The following LIMCH1 variants were observed in gnomAD, a reference collection of about 807,000 sequenced individuals.
The protein encoded by LIMCH1 is LIM and calponin homology domains-containing protein 1.
In LIMCH1, 113 loss-of-function variants were observed where a neutral mutation model predicts 176.5. That is an observed-to-expected ratio of 0.64 (90% CI 0.55 to 0.75). The LOEUF (loss-of-function observed/expected upper bound fraction) is 0.75, where lower values mean the gene tolerates loss of function less well. Among genes scored for constraint, LIMCH1 ranks in the 30% least tolerant of loss-of-function variants. The pLI is 0.00. For synonymous variants in LIMCH1, 619 were observed against 645.9 expected, an observed-to-expected ratio of 0.96 and a Z score of 0.63; for missense variants, 1,674 against 1,814.9, an observed-to-expected ratio of 0.92 and a Z score of 1.41.
intron 1 of LIMCH1, among the ~76,000 whole-genome samples, chr4:41,384,362 G>A (rs1199484838): frequency 2.0e-5 from 3 of 151,824 alleles, no homozygotes; most frequent in African/African-American, 7.3e-5. Flanking sequence ...CTGCCACCAC[G>A]CCGGGCTATT....
intron 3 of LIMCH1, among the ~76,000 whole-genome samples, chr4:41,532,410 A>C (rs1409365097): frequency 6.6e-6 from 1 of 152,218 alleles, no homozygotes; most frequent in Admixed American, 6.5e-5. Flanking sequence ...CAAACACTTC[A>C]GAAACGTATT....
intron 1 of LIMCH1, among the ~76,000 whole-genome samples, chr4:41,419,592 TTCCTTCCTTCCG>T (rs1187680013): frequency 0.069 from 6,197 of 90,026 alleles, 403 homozygotes; most frequent in South Asian, 0.16. Flanking sequence ...CCTTCCTTCC[TTCCTTCCTTCCG>T]TCCTTCCTTC....
intron 1 of LIMCH1, among the ~76,000 whole-genome samples, chr4:41,570,860 CAG>C (rs938559290): frequency 2.6e-5 from 4 of 152,148 alleles, no homozygotes; most frequent in East Asian, 3.9e-4. Context: ...GAAAAAGAAA[CAG>C]AGAAACAGTG....
At chr4:41,565,071 C>T (rs1029013566) in intron 1 of LIMCH1, among the ~76,000 whole-genome samples, 1 of 152,050 alleles carries the variant, frequency 6.6e-6, no homozygotes, top group African/African-American at 2.4e-5. Flanking sequence ...CTGATACACC[C>T]AATTAAAAAC....
At chr4:41,494,558 G>A (rs750986435) in exon 2 of LIMCH1, 2 of 1,612,820 alleles carry the variant, frequency 1.2e-6, no homozygotes, top group Admixed American at 1.7e-5. Flanking sequence ...AGAAGTTTTG[G>A]TGATAAAGAT....
chr4:41,621,997 G>T (rs115604960), intron 7 of LIMCH1, among the ~76,000 whole-genome samples: 1 of 151,378 alleles, frequency 6.6e-6, no homozygotes, highest in African/African-American at 2.4e-5. Context: ...AACAACTAAG[G>T]ATATACTTCC....
At chr4:41,405,948 T>G (rs1056156510) in intron 1 of LIMCH1, among the ~76,000 whole-genome samples, 1 of 152,116 alleles carries the variant, frequency 6.6e-6, no homozygotes, top group African/African-American at 2.4e-5. Context: ...GAAGGAAGAT[T>G]TTGTGTATAG....
intron 29 of LIMCH1, chr4:41,689,026 G>T (rs958153277): frequency 2.0e-5 from 3 of 153,550 alleles, no homozygotes; most frequent in African/African-American, 7.2e-5. Flanking sequence ...ACCTCTCCGG[G>T]CCCTCTGTCT....
At chr4:41,670,791 A>G in intron 21 of LIMCH1, 1 of 1,535,922 alleles carries the variant, frequency 6.5e-7, no homozygotes, top group Non-Finnish European at 8.7e-7. Flanking sequence ...TCTCCCAGTC[A>G]GGTAAACTGC....
Position 41,699,636 on chromosome 4 carries a change from A to G in LIMCH1, c.*2451A>G, listed in dbSNP as rs1192395997. On this transcript the variant is annotated 3_prime_UTR_variant, in exon 32 of 32. Transcript: ENST00000503057. ...TGTTTGTTTAAAAAACAGGTGAGGC[A>G]AGTGAGTGATTTATTGTTCCTGAGG... The G allele has an allele frequency of 2.6e-5, 4 of 152,188 alleles. No homozygotes were observed. Among genetic ancestry groups the G allele is most frequent in the Non-Finnish European group, 5.9e-5 (4 of 68,030 alleles). The allele number at this position is 152,188 out of a possible 1,614,324, so 9.4% of individuals were successfully genotyped here.
rs985226112 is a variant in LIMCH1 at position 41,476,148 on chromosome 4, CT to C, written c.97-18384del. 3.7e-4 allele frequency among the ~76,000 whole-genome samples: 57 copies of C among 152,222 alleles called. 1 individual carries two copies. The highest frequency in any genetic ancestry group is 3.4e-3 in the Middle Eastern group (1 of 294). ...TCTCACACCTGGCCCTCACAATTGCCTTTTATATCTTTATTCCTTTCTTCAT... is the reference window on the plus strand; with the variant it reads ...TCTCACACCTGGCCCTCACAATTGCCTTTATATCTTTATTCCTTTCTTCAT... On this transcript the variant is annotated intron_variant, in intron 1 of 26. Transcript: ENST00000313860.
At chr4:41,615,602 TA>T (rs1268953110) in intron 5 of LIMCH1, among the ~76,000 whole-genome samples, 1 of 152,252 alleles carries the variant, frequency 6.6e-6, no homozygotes, top group Non-Finnish European at 1.5e-5. Context: ...ACACATTTAT[TA>T]ATCTGCCATT....
chr4:41,363,415 G>GT (rs913862771), intron 1 of LIMCH1, among the ~76,000 whole-genome samples: 23 of 151,924 alleles, frequency 1.5e-4, no homozygotes, highest in African/African-American at 7.3e-5. Context: ...TTTCCCATAG[G>GT]TTTTTTTTCT....
In LIMCH1 at chr4:41,629,554, G is replaced by C. The variant is rs2152859380; in HGVS notation, c.1091G>C (p.Ser364Thr). The C allele has an allele frequency of 6.5e-7, 1 of 1,536,154 alleles. No individual in the cohort carries two copies. The highest frequency in any genetic ancestry group is 1.2e-5 in the South Asian group (1 of 84,058). The change falls in exon 9 of 32, where the codon AGT becomes ACT. Residue 364 changes from serine to threonine, a missense_variant. Ser to Thr is a moderately conservative substitution (Grantham distance 58). Coordinates refer to ENST00000503057, the MANE Select transcript of LIMCH1 (RefSeq NM_001330672.2). Reference sequence around the variant, plus strand: ...ACCTGTAACATGAGGGCTCAGGAAAGTGAACCTGTGGAAGGAGGACTCAGG... The same window carrying C: ...ACCTGTAACATGAGGGCTCAGGAAACTGAACCTGTGGAAGGAGGACTCAGG... ...IVTCNMRAQE[S>T]EPVEGGLRKV...
chr4:41,691,658 G>A (rs1389365228), intron 30 of LIMCH1, among the ~76,000 whole-genome samples: 1 of 151,742 alleles, frequency 6.6e-6, no homozygotes, highest in East Asian at 1.9e-4. Context: ...ATCTACTCAG[G>A]AGGCTGAGGC....
intron 2 of LIMCH1, among the ~76,000 whole-genome samples, chr4:41,517,199 T>A (rs1001044765): frequency 2.0e-5 from 3 of 152,056 alleles, no homozygotes; most frequent in African/African-American, 7.2e-5. Context: ...GGAGAGAGAA[T>A]GGAGAATTGT....
Position 41,687,925 on chromosome 4 carries a change from A to G in LIMCH1, c.4166+8A>G. The stretch of plus-strand genomic sequence containing the variant: ...CGGTCAGTCACCAAACAGGTACAAG[A>G]GGTCAGCAGGCCTTTCTGAGGCTGC... On this transcript the variant is annotated splice_region_variant and intron_variant, in intron 29 of 31. Transcript: ENST00000503057. The G allele has an allele frequency of 6.2e-7, 1 of 1,610,254 alleles. No individual in the cohort carries two copies. The highest frequency in any genetic ancestry group is 1.7e-4 in the Middle Eastern group (1 of 6,048).
intron 1 of LIMCH1, among the ~76,000 whole-genome samples, chr4:41,369,557 C>T (rs887413704): frequency 3.9e-5 from 6 of 152,218 alleles, no homozygotes; most frequent in Non-Finnish European, 7.3e-5. Flanking sequence ...AACCCGACTG[C>T]CTCTGCAGCA....
intron 3 of LIMCH1, among the ~76,000 whole-genome samples, chr4:41,605,255 G>A (rs2090540354): frequency 6.6e-6 from 1 of 152,098 alleles, no homozygotes; most frequent in Non-Finnish European, 1.5e-5. Flanking sequence ...GCCTTGTCAA[G>A]GCTCAAAATT....
Sources: allele counts gnomAD v4.1 joint callset (sites outside exome capture counted in the v4.1 genomes callset), GRCh38; gene constraint gnomAD v4.1.1; transcripts MANE v1.5; gene names NCBI Gene and HGNC (gene_info 2026-07-23, HGNC 2026-07-21).